Variants in TBL1X observed in about 807,000 individuals in gnomAD.
TBL1X encodes F-box-like/WD repeat-containing protein TBL1X.
In TBL1X, 10 loss-of-function variants were observed where a neutral mutation model predicts 50.7. That is an observed-to-expected ratio of 0.20 (90% confidence interval 0.12 to 0.33). The LOEUF (loss-of-function observed/expected upper bound fraction) is 0.33. Ranked by LOEUF, TBL1X falls within the 10% of genes least tolerant of loss-of-function variation. The pLI, the probability that TBL1X is intolerant of heterozygous loss-of-function variation, is 1.00. For missense variants in TBL1X, 340 were observed against 504.4 expected (o/e 0.67, Z 3.12); for synonymous variants, 190 against 214.7 (o/e 0.88, Z 1.01).
At chrX:9,604,909 G>A (rs2082575451) in intron 2 of TBL1X, among the ~76,000 whole-genome samples, 1 of 111,013 alleles carries the variant, frequency 9.0e-6, no homozygotes. Flanking sequence ...AGGTTTTCTC[G>A]GGAAGAAATG....
intron 2 of TBL1X, among the ~76,000 whole-genome samples, chrX:9,622,242 A>G (rs1314537473): frequency 1.8e-5 from 2 of 111,030 alleles, no homozygotes; most frequent in Non-Finnish European, 3.8e-5. Flanking sequence ...AAGTACAGTC[A>G]CCATCTACCT....
chrX:9,499,667 G>A (rs958281515), intron 1 of TBL1X, among the ~76,000 whole-genome samples: 3 of 112,364 alleles, frequency 2.7e-5, no homozygotes, highest in African/African-American at 9.7e-5. Flanking sequence ...TGTCTCATTT[G>A]ATGTCAGAAT....
chrX:9,563,699 C>G (rs895680205), intron 2 of TBL1X, among the ~76,000 whole-genome samples: 1 of 112,184 alleles, frequency 8.9e-6, no homozygotes, highest in African/African-American at 3.2e-5. Flanking sequence ...CCACATGTGG[C>G]CAGTGGATAC....
At chrX:9,651,960 C>G (rs1009449142) in intron 3 of TBL1X, among the ~76,000 whole-genome samples, 23 of 112,420 alleles carry the variant, frequency 2.0e-4, no homozygotes, top group African/African-American at 7.1e-4. Context: ...AAACAACACA[C>G]ATTCATTCTC....
chrX:9,482,194 T>C (rs889386948), intron 1 of TBL1X, among the ~76,000 whole-genome samples: 6 of 112,607 alleles, frequency 5.3e-5, no homozygotes, highest in African/African-American at 1.6e-4. Flanking sequence ...ATAAAATTGC[T>C]ACTACCTCTT....
chrX:9,628,433 T>C (rs913096867), intron 2 of TBL1X, among the ~76,000 whole-genome samples: 1 of 112,266 alleles, frequency 8.9e-6, no homozygotes, highest in Non-Finnish European at 1.9e-5. Flanking sequence ...CATGCATTAC[T>C]TCTGTAATTT....
upstream of TBL1X, among the ~76,000 whole-genome samples, chrX:9,464,398 C>G (rs1242821466): frequency 9.0e-6 from 1 of 111,488 alleles, no homozygotes; most frequent in Non-Finnish European, 1.9e-5. Flanking sequence ...GCATTTCTGG[C>G]TCTTCTTGGG....
intron 13 of TBL1X, 29 bp downstream of exon 13, chrX:9,705,143 G>C: frequency 8.3e-7 from 1 of 1,210,856 alleles, no homozygotes; most frequent in Non-Finnish European, 1.1e-6. Context: ...CACTGGTCTC[G>C]AGTTTGTGAG....
intron 2 of TBL1X, chrX:9,636,533 A>G (rs2082749188): frequency 9.5e-6 from 1 of 104,986 alleles, no homozygotes; most frequent in African/African-American, 3.4e-5. Flanking sequence ...ACAACCATGT[A>G]TGGTCCAGGG....
intron 2 of TBL1X, among the ~76,000 whole-genome samples, chrX:9,607,274 C>T (rs189861704): frequency 4.4e-5 from 5 of 113,032 alleles, no homozygotes; most frequent in South Asian, 3.6e-4. Flanking sequence ...TCTGGACACT[C>T]GGCCTGACTT....
intron 2 of TBL1X, among the ~76,000 whole-genome samples, chrX:9,536,120 G>C (rs1318915701): frequency 8.9e-6 from 1 of 111,766 alleles, no homozygotes; most frequent in Non-Finnish European, 1.9e-5. Context: ...GATAACCTCA[G>C]TACATATCCT....
intron 2 of TBL1X, among the ~76,000 whole-genome samples, chrX:9,633,026 C>T (rs1042904115): frequency 1.1e-4 from 12 of 112,475 alleles, no homozygotes; most frequent in Non-Finnish European, 1.9e-4. Flanking sequence ...CAAAAACATT[C>T]AAACTGTAGT....
chrX:9,685,657 A>T (rs1212460557), intron 6 of TBL1X, among the ~76,000 whole-genome samples: 1 of 110,452 alleles, frequency 9.1e-6, no homozygotes, highest in African/African-American at 3.3e-5. Flanking sequence ...ACACTGCTTT[A>T]AAAAACTCTT....
At chrX:9,591,703 G>T (rs1314181335) in intron 2 of TBL1X, among the ~76,000 whole-genome samples, 1 of 111,574 alleles carries the variant, frequency 9.0e-6, no homozygotes, top group Non-Finnish European at 1.9e-5. Context: ...CAGCCTTCCA[G>T]AGCTCAGAGA....
chrX:9,640,992 C>A (rs781164713), intron 3 of TBL1X, among the ~76,000 whole-genome samples: 4 of 111,764 alleles, frequency 3.6e-5, no homozygotes, highest in Non-Finnish European at 5.6e-5. Flanking sequence ...TCTTACCAGG[C>A]GAGGATGACA....
intron 2 of TBL1X, among the ~76,000 whole-genome samples, chrX:9,633,163 A>G (rs1244000067): frequency 1.8e-5 from 2 of 112,408 alleles, no homozygotes; most frequent in Non-Finnish European, 3.8e-5. Context: ...TATAACATAT[A>G]TGCTTATTTT....
upstream of TBL1X, among the ~76,000 whole-genome samples, chrX:9,464,741 G>C (rs906173018): frequency 1.8e-5 from 2 of 111,572 alleles, no homozygotes; most frequent in Non-Finnish European, 3.8e-5. Context: ...GGAAGGGACC[G>C]GGACCAGAGC....
intron 5 of TBL1X, among the ~76,000 whole-genome samples, chrX:9,673,783 G>T (rs1263053138): frequency 2.7e-5 from 3 of 112,190 alleles, no homozygotes; most frequent in African/African-American, 9.7e-5. Context: ...TAAATTGGGG[G>T]CTAGGTGCGG....
intron 1 of TBL1X, among the ~76,000 whole-genome samples, chrX:9,486,852 T>C (rs901856359): frequency 9.0e-6 from 1 of 111,578 alleles, no homozygotes; most frequent in African/African-American, 3.3e-5. Context: ...TTTAAATTAC[T>C]GTGGACTCTT....
Sources: allele counts gnomAD v4.1 joint callset (sites outside exome capture counted in the v4.1 genomes callset), GRCh38; gene constraint gnomAD v4.1.1; transcripts MANE v1.5; gene names NCBI Gene and HGNC (gene_info 2026-07-23, HGNC 2026-07-21).